PCDH15: variants seen among roughly 807,000 people sequenced by gnomAD.
The protein encoded by PCDH15 is protocadherin related 15.
PCDH15 carries 129 observed loss-of-function variants against 178.5 expected under a neutral mutation model. The ratio of observed to expected loss-of-function variants is 0.72; its 90% CI spans 0.63 to 0.84. The LOEUF is 0.84. Among genes scored for constraint, PCDH15 ranks in the 40% least tolerant of loss-of-function variants. The probability of loss-of-function intolerance (pLI) is 0.00; values close to 1 mark genes in which losing one functional copy is unlikely to be tolerated. For synonymous variants in PCDH15, 800 were observed against 732.0 expected (o/e 1.09, Z -1.50); for missense variants, 2,230 against 2,099.9 (o/e 1.06, Z -1.21).
intron 2 of PCDH15, among the ~76,000 whole-genome samples, chr10:54,946,450 A>T (rs1349184242): frequency 2.0e-5 from 3 of 151,754 alleles, no homozygotes; most frequent in Non-Finnish European, 4.4e-5. Context: ...TTAAGGAGTG[A>T]GGGAATGAAC....
chr10:54,444,856 A>G (rs186134411), intron 3 of PCDH15, among the ~76,000 whole-genome samples: 63 of 151,642 alleles, frequency 4.2e-4, no homozygotes, highest in Admixed American at 1.1e-3. Flanking sequence ...CTCTAAGCAT[A>G]TTTTTTTATC....
At chr10:54,977,634 A>T (rs1839107374) in intron 2 of PCDH15, among the ~76,000 whole-genome samples, 1 of 152,198 alleles carries the variant, frequency 6.6e-6, no homozygotes, top group Non-Finnish European at 1.5e-5. Context: ...CCCAATAAGC[A>T]GCCCTTAGGG....
Position 55,392,403 on chromosome 10 carries a change from T to C in PCDH15, c.-155-225752A>G, listed in dbSNP as rs527263979. Among the ~76,000 whole-genome samples the C allele has an allele frequency of 2.4e-4, 36 of 152,300 alleles. 1 individual carries two copies. The South Asian group carries it at 7.5e-3, about 32-fold the overall frequency. On this transcript the variant is annotated intron_variant, in intron 2 of 5. Coordinates refer to the PCDH15 transcript ENST00000613346. ...TATTATGGTGCATTTGTCACAATTA[T>C]TTTTAACTAAAGTTCATCTTTCACA... is the stretch of plus-strand genomic sequence containing the variant.
In PCDH15 at chr10:53,823,108, A is replaced by T. The variant is rs751482285; in HGVS notation, c.4368-2878T>A. 6.2e-6 allele frequency: 10 copies of T among 1,613,828 alleles called. No individual in the cohort carries two copies. The highest frequency in any genetic ancestry group is 5.3e-5 in the African/African-American group (4 of 74,914). On this transcript the variant is annotated intron_variant, in intron 32 of 37. Coordinates refer to ENST00000644397, the MANE Select transcript of PCDH15 (RefSeq NM_001384140.1). ...AAATCTGTTCTCTGTGAAATGTCTGAATTTGTTGATACTTGACTTATGTTT... is the reference window on the plus strand; with the variant it reads ...AAATCTGTTCTCTGTGAAATGTCTGTATTTGTTGATACTTGACTTATGTTT...
chr10:54,021,407 CATTTT>C (rs1008758977), intron 19 of PCDH15, among the ~76,000 whole-genome samples: 1 of 151,984 alleles, frequency 6.6e-6, no homozygotes, highest in Admixed American at 6.6e-5. Flanking sequence ...TTAAAGCATA[CATTTT>C]ATTATGTGGT....
intron 3 of PCDH15, among the ~76,000 whole-genome samples, chr10:54,477,173 A>G (rs896631187): frequency 3.3e-5 from 5 of 152,128 alleles, no homozygotes; most frequent in African/African-American, 1.2e-4. Flanking sequence ...CTCAGAACTC[A>G]TGACTTAAAT....
intron 21 of PCDH15, among the ~76,000 whole-genome samples, chr10:53,966,468 C>A (rs935070091): frequency 6.6e-6 from 1 of 151,852 alleles, no homozygotes; most frequent in Non-Finnish European, 1.5e-5. Flanking sequence ...TTTCCAAAGT[C>A]TTTTTAAAAT....
chr10:54,269,454 A>C (rs2057909662), intron 8 of PCDH15, among the ~76,000 whole-genome samples: 1 of 152,022 alleles, frequency 6.6e-6, no homozygotes, highest in African/African-American at 2.4e-5. Context: ...ACAATTGAAT[A>C]GTTATTTCAT....
intron 20 of PCDH15, among the ~76,000 whole-genome samples, chr10:54,011,877 A>T (rs2092597555): frequency 6.6e-6 from 1 of 152,186 alleles, no homozygotes; most frequent in Non-Finnish European, 1.5e-5. Flanking sequence ...CTCAAAAAAC[A>T]AGTGTCTTCT....
At chr10:53,953,865 CT>C (rs2087338022) in intron 23 of PCDH15, among the ~76,000 whole-genome samples, 2 of 152,162 alleles carry the variant, frequency 1.3e-5, no homozygotes, top group Admixed American at 1.3e-4. Flanking sequence ...TCTCAGCTCA[CT>C]GCAAGCTCAG....
chr10:55,036,774 T>C (rs909955147), intron 2 of PCDH15, among the ~76,000 whole-genome samples: 3 of 152,166 alleles, frequency 2.0e-5, no homozygotes, highest in Middle Eastern at 3.2e-3. Context: ...ATCTAAACTA[T>C]AAACAATAAA....
intron 1 of PCDH15, among the ~76,000 whole-genome samples, chr10:54,679,407 G>A (rs181833053): frequency 2.0e-5 from 3 of 152,138 alleles, no homozygotes; most frequent in Admixed American, 1.3e-4. Flanking sequence ...TTAATTAAAG[G>A]GAGAAATACT....
intron 11 of PCDH15, among the ~76,000 whole-genome samples, chr10:54,189,918 CATGTGTATGTGTGTGTGT>C (rs1209777134): frequency 2.4e-4 from 20 of 82,024 alleles, no homozygotes; most frequent in African/African-American, 1.2e-3. Flanking sequence ...TGTATACATG[CATGTGTATGTGTGTGTGT>C]GTGTGTGTGT....
At chr10:54,524,164 C>G (rs1011889155) in intron 3 of PCDH15, among the ~76,000 whole-genome samples, 13 of 152,132 alleles carry the variant, frequency 8.5e-5, no homozygotes, top group Non-Finnish European at 1.8e-4. Flanking sequence ...ATCATGGCAT[C>G]CTTGGTTGAT....
intron 2 of PCDH15, among the ~76,000 whole-genome samples, chr10:54,538,771 T>C (rs1302713748): frequency 6.6e-6 from 1 of 152,178 alleles, no homozygotes; most frequent in African/African-American, 2.4e-5. Context: ...ACTTTGGCCA[T>C]GTCCCCAGCC....
chr10:54,800,728 G>A (rs1952584722), intron 1 of PCDH15, among the ~76,000 whole-genome samples, 197 bp downstream of exon 1: 1 of 152,186 alleles, frequency 6.6e-6, no homozygotes, highest in African/African-American at 2.4e-5. Flanking sequence ...CAGGAAGAAT[G>A]AAAGGACAGG....
At chr10:54,820,441 A>C (rs544798422) in intron 3 of PCDH15, among the ~76,000 whole-genome samples, 33 of 152,170 alleles carry the variant, frequency 2.2e-4, no homozygotes, top group Non-Finnish European at 3.5e-4. Context: ...CTTTTCTTTT[A>C]AAGTTGTTCT....
At chr10:55,517,151 AAG>A (rs1841034939) in intron 2 of PCDH15, among the ~76,000 whole-genome samples, 1 of 152,108 alleles carries the variant, frequency 6.6e-6, no homozygotes, top group Non-Finnish European at 1.5e-5. Context: ...TTTTAGAGGT[AAG>A]AGAGGTTAAA....
At chr10:54,751,304 G>A (rs1290969704) in intron 1 of PCDH15, among the ~76,000 whole-genome samples, 1 of 152,072 alleles carries the variant, frequency 6.6e-6, no homozygotes, top group East Asian at 1.9e-4. Context: ...TCACCACTTG[G>A]TAGGAGGGCC....
Sources: gnomAD v4.1 joint callset for allele counts (sites outside exome capture counted in the v4.1 genomes callset) on GRCh38, gnomAD v4.1.1 for gene constraint, MANE v1.5 for transcripts, NCBI Gene and HGNC (gene_info 2026-07-23, HGNC 2026-07-21) for gene names.